PHKA1: variants seen among roughly 807,000 people sequenced by gnomAD.
PHKA1 encodes the protein phosphorylase kinase regulatory subunit alpha 1, also known as phosphorylase b kinase regulatory subunit alpha, skeletal muscle isoform.
Under a neutral mutation model 110.2 loss-of-function variants are expected in PHKA1, and 60 were observed. The observed-to-expected ratio is 0.54, with a 90% CI of 0.44 to 0.68. PHKA1 has a LOEUF of 0.68. PHKA1 is among the 30% of genes least tolerant of loss of function. The probability of loss-of-function intolerance (pLI) is 0.00; values close to 1 mark genes in which losing one functional copy is unlikely to be tolerated. For synonymous variants in PHKA1, 316 were observed against 333.6 expected (o/e 0.95, Z 0.58); for missense variants, 801 against 942.5 (o/e 0.85, Z 1.97).
At position 72,714,150 on chromosome X, in the gene PHKA1, C is replaced by T. The variant is rs1157280354; in HGVS notation, c.-270G>A. 2.6e-6 allele frequency: 1 copy of T among 385,181 alleles called. No individual in the cohort carries two copies. The highest frequency in any genetic ancestry group is 2.5e-5 in the African/African-American group (1 of 39,435). 31.7% of individuals were successfully genotyped at this position (385,181 alleles called of 1,213,427 possible). ...CGCCGCAGCGCCCCAGGCGCCGCTC[C>T]TGCCCCCTTAGTCCAGTCCGGCCTC... On this transcript the variant is annotated 5_prime_UTR_variant, in exon 1 of 32. Transcript: ENST00000373542.
intron 29 of PHKA1, among the ~76,000 whole-genome samples, chrX:72,591,087 A>T (rs1257114252): frequency 2.7e-5 from 3 of 112,109 alleles, no homozygotes; most frequent in African/African-American, 9.7e-5. Context: ...ATTATAAATC[A>T]TGCTACTATA....
chrX:72,654,884 G>C (rs1296618137), intron 10 of PHKA1, among the ~76,000 whole-genome samples: 1 of 101,023 alleles, frequency 9.9e-6, no homozygotes, highest in African/African-American at 3.6e-5. Context: ...TGCAAGCTCC[G>C]CCTCCCGGGT....
chrX:72,675,212 A>G (rs1556311173), intron 6 of PHKA1, among the ~76,000 whole-genome samples: 1 of 107,524 alleles, frequency 9.3e-6, no homozygotes, highest in Non-Finnish European at 1.9e-5. Context: ...ATAATAATAA[A>G]TAAATAAATA....
At chrX:72,661,740 T>A (rs1556304206) in intron 8 of PHKA1, among the ~76,000 whole-genome samples, 1 of 80,319 alleles carries the variant, frequency 1.2e-5, no homozygotes, top group African/African-American at 5.1e-5. Context: ...TGGAATGTAC[T>A]GACAAAAAAA....
At chrX:72,673,709 T>A (rs914252375) in intron 6 of PHKA1, among the ~76,000 whole-genome samples, 11 of 110,077 alleles carry the variant, frequency 1.0e-4, no homozygotes, top group Non-Finnish European at 1.9e-4. Flanking sequence ...AAAAATGACA[T>A]CTATGGTACA....
chrX:72,584,100 T>C (rs1176568859), intron 30 of PHKA1, 149 bp downstream of exon 30: 2 of 515,160 alleles, frequency 3.9e-6, no homozygotes, highest in Admixed American at 6.6e-5. Flanking sequence ...TCTCTTTCCA[T>C]TAAAAAAATT....
chrX:72,681,417 G>A (rs1384495250), intron 5 of PHKA1, among the ~76,000 whole-genome samples: 2 of 110,866 alleles, frequency 1.8e-5, no homozygotes, highest in Non-Finnish European at 3.8e-5. Context: ...CCCCCCGCCC[G>A]GCCAGCCGCC....
intron 5 of PHKA1, among the ~76,000 whole-genome samples, chrX:72,683,307 G>A (rs1396109975): frequency 1.8e-5 from 2 of 111,495 alleles, no homozygotes; most frequent in African/African-American, 6.5e-5. Flanking sequence ...ATGTGGTGGC[G>A]TATACCTTTA....
intron 16 of PHKA1, 101 bp downstream of exon 16, chrX:72,635,054 A>C: frequency 9.7e-7 from 1 of 1,035,659 alleles, no homozygotes; most frequent in Non-Finnish European, 1.3e-6. Context: ...TGAAAGAATA[A>C]ATTATAAGAA....
intron 6 of PHKA1, 72 bp downstream of exon 6, chrX:72,675,996 TAA>T: frequency 1.4e-6 from 1 of 737,797 alleles, no homozygotes; most frequent in Non-Finnish European, 2.1e-6. Flanking sequence ...ACAGTCACAT[TAA>T]GTTTTATCTG....
intron 23 of PHKA1, among the ~76,000 whole-genome samples, chrX:72,607,037 T>C (rs1249438611): frequency 5.4e-5 from 6 of 111,935 alleles, no homozygotes; most frequent in Admixed American, 9.5e-5. Context: ...ATCCATGTTG[T>C]TACAAATGAC....
chrX:72,638,862 C>A (rs1036220499), intron 14 of PHKA1, among the ~76,000 whole-genome samples: 4 of 111,745 alleles, frequency 3.6e-5, no homozygotes, highest in African/African-American at 1.3e-4. Flanking sequence ...TTCATGCAAG[C>A]AAAACTTAAG....
intron 16 of PHKA1, among the ~76,000 whole-genome samples, chrX:72,630,364 C>T (rs2053149173): frequency 9.0e-6 from 1 of 110,531 alleles, no homozygotes; most frequent in South Asian, 3.9e-4. Context: ...ATTGTATTTA[C>T]TCATATTTTC....
At chrX:72,711,946 C>G (rs1280228733) in intron 2 of PHKA1, 3 of 110,790 alleles carry the variant, frequency 2.7e-5, no homozygotes, top group Non-Finnish European at 5.7e-5. Flanking sequence ...TATCAATATT[C>G]TGATTTATAG....
chrX:72,618,978 A>G, intron 20 of PHKA1, 129 bp from the exon 21 acceptor site: 1 of 660,657 alleles, frequency 1.5e-6, no homozygotes, highest in Non-Finnish European at 2.4e-6. Context: ...ATGAAAGGCA[A>G]AGCAAAAGTA....
At chrX:72,602,102 AAAG>A in intron 27 of PHKA1, 53 bp downstream of exon 27, 1 of 1,096,032 alleles carries the variant, frequency 9.1e-7, no homozygotes, top group East Asian at 3.0e-5. Context: ...TCTGATTCCA[AAAG>A]AATGTTCTGA....
chrX:72,691,661 T>A (rs906068686), intron 4 of PHKA1, among the ~76,000 whole-genome samples: 3 of 112,418 alleles, frequency 2.7e-5, no homozygotes, highest in Non-Finnish European at 5.6e-5. Context: ...TATTTTTAAA[T>A]TTCATTTTGG....
At chrX:72,604,116 T>C (rs1556247413) in intron 25 of PHKA1, among the ~76,000 whole-genome samples, 1 of 109,334 alleles carries the variant, frequency 9.1e-6, no homozygotes, top group Non-Finnish European at 1.9e-5. Flanking sequence ...GCTTATCCCT[T>C]ATTGAGGTTT....
In PHKA1 at chrX:72,593,220, G is replaced by T. The variant is rs782374250; in HGVS notation, c.3127C>A (p.Gln1043Lys). ...SSGSFPSAYD[Q>K]QSSKDSRQGQ... is the part of the protein sequence containing the mutation. ...TGACGACTATCTTTAGATGACTGCT[G>T]ATCATATGCACTAGGAAAGGACCCA... Residue 1043 changes from glutamine to lysine, a missense_variant, in exon 29 of 32, where the codon CAG (glutamine) becomes AAG (lysine). Transcript: ENST00000373542. 1.7e-6 allele frequency: 2 copies of T among 1,201,946 alleles called. No individual in the cohort carries two copies. Among genetic ancestry groups the T allele is most frequent in the Admixed American group, 4.4e-5 (2 of 45,847 alleles).
Sources: allele counts gnomAD v4.1 joint callset (sites outside exome capture counted in the v4.1 genomes callset), GRCh38; gene constraint gnomAD v4.1.1; transcripts MANE v1.5; gene names NCBI Gene and HGNC (gene_info 2026-07-23, HGNC 2026-07-21).